FBXL18: variants seen among roughly 807,000 people sequenced by gnomAD.
The protein encoded by FBXL18 is F-box and leucine rich repeat protein 18.
A neutral mutation model predicts 46.0 loss-of-function variants in FBXL18; 36 were observed. That is an observed-to-expected ratio of 0.78 (90% CI 0.60 to 1.03). The LOEUF (loss-of-function observed/expected upper bound fraction) is 1.03, where lower values mean the gene tolerates loss of function less well. FBXL18 is among the 50% of genes least tolerant of loss of function. FBXL18 has a pLI of 0.00. For missense variants in FBXL18, 977 were observed against 1,004.1 expected, an observed-to-expected ratio of 0.97 and a Z score of 0.36; for synonymous variants, 557 against 465.3, an observed-to-expected ratio of 1.20 and a Z score of -2.54.
Position 5,501,055 on chromosome 7 carries a change from A to C in FBXL18, c.1214T>G (p.Leu405Arg). 6.2e-7 allele frequency: 1 copy of C among 1,609,124 alleles called. No individual in the cohort carries two copies. The highest frequency in any genetic ancestry group is 8.5e-7 in the Non-Finnish European group (1 of 1,178,860). ...HHSSEGLGRHLCQLLARLRHL... is the reference protein window; with the variant it reads ...HHSSEGLGRHRCQLLARLRHL... The stretch of plus-strand genomic sequence containing the variant: ...ACGCAGCCGGGCCAGGAGCTGGCAG[A>C]GGTGGCGGCCCAGGCCCTCCGAGCT... Residue 405 changes from leucine (L) to arginine (R), a missense_variant, in exon 3 of 5, where the codon CTC becomes CGC. Leu to Arg is a moderately radical substitution (Grantham distance 102). Coordinates refer to ENST00000382368, the MANE Select transcript of FBXL18 (RefSeq NM_024963.6).
At chr7:5,485,029 C>G (rs1020892222) in intron 4 of FBXL18, among the ~76,000 whole-genome samples, 10 of 152,110 alleles carry the variant, frequency 6.6e-5, no homozygotes, top group East Asian at 5.8e-4. Context: ...CAATCCTCCC[C>G]CCTTGGCCTC....
Position 5,500,877 on chromosome 7 carries a change from C to G in FBXL18, c.1392G>C (p.Ser464=), listed in dbSNP as rs1784223828. ...VGVQSCPSPF[S]GQACPQPSSV... ...AGGAGGGCTGGGGGCACGCCTGGCC[C>G]GAGAAGGGGCTGGGACAGGACTGCA... Residue 464 remains serine (S), a synonymous_variant, in exon 3 of 5, where the codon TCG becomes TCC. Coordinates refer to ENST00000382368, the MANE Select transcript of FBXL18 (RefSeq NM_024963.6). The G allele has an allele frequency of 1.9e-6, 3 of 1,597,350 alleles. No individual in the cohort carries two copies. Among genetic ancestry groups the G allele is most frequent in the African/African-American group, 2.7e-5 (2 of 74,666 alleles).
intron 4 of FBXL18, among the ~76,000 whole-genome samples, chr7:5,485,827 G>A (rs1018430725): frequency 1.2e-4 from 19 of 152,022 alleles, no homozygotes; most frequent in African/African-American, 3.6e-4. Context: ...TGAGGTGGGC[G>A]GATTACCTGA....
At position 5,480,204 on chromosome 7, in the gene FBXL18, C is replaced by T. The variant is rs114469884; in HGVS notation, c.*1571G>A. Among the ~76,000 whole-genome samples, 3 of 152,262 alleles carry T rather than the reference C, an allele frequency of 2.0e-5. No homozygotes were observed. The highest frequency in any genetic ancestry group is 4.1e-4 in the South Asian group (2 of 4,822). ...CCCACAGGACGGGGCATCTGTCACA[C>T]GGAAACCCAGGAGGAGGAAGGCGGG... On this transcript the variant is annotated 3_prime_UTR_variant, in exon 5 of 5. Coordinates refer to ENST00000382368, the MANE Select transcript of FBXL18 (RefSeq NM_024963.6).
At chr7:5,472,105 G>A (rs922507779), downstream of FBXL18, among the ~76,000 whole-genome samples, 3 of 152,132 alleles carry the variant, frequency 2.0e-5, no homozygotes, top group African/African-American at 4.8e-5. Flanking sequence ...AAATGAAGCA[G>A]GAGCATCAGC....
intron 4 of FBXL18, among the ~76,000 whole-genome samples, chr7:5,464,803 C>T (rs372003345): frequency 2.0e-5 from 3 of 147,970 alleles, no homozygotes; most frequent in African/African-American, 7.4e-5. Context: ...GTGGCTCACA[C>T]CTGTAATCCC....
chr7:5,501,288 T>C lies in FBXL18; in HGVS notation c.981A>G (p.Ser327=), dbSNP rs534189068. Reference sequence around the variant, plus strand: ...TGACCTGCTGGATCAGATGGCCGCCTGACAGGGTACAGCGGCTGAAACTGA... The same window carrying C: ...TGACCTGCTGGATCAGATGGCCGCCCGACAGGGTACAGCGGCTGAAACTGA... The part of the protein sequence containing the change: ...FYFSFSRCTL[S]GGHLIQQVIN... Residue 327 remains serine, a synonymous_variant, in exon 3 of 5, where the codon TCA becomes TCG. Transcript: ENST00000382368. The C allele has an allele frequency of 1.9e-6, 3 of 1,614,156 alleles. No homozygotes were observed. In the South Asian group the frequency reaches 3.3e-5, roughly 18 times the overall value.
At position 5,481,913 on chromosome 7, in the gene FBXL18, G is replaced by A. The variant is rs374847105; in HGVS notation, c.2019C>T (p.Pro673=). 8.9e-5 allele frequency: 143 copies of A among 1,608,756 alleles called. No individual in the cohort carries two copies. The highest frequency in any genetic ancestry group is 1.0e-4 in the Non-Finnish European group (121 of 1,177,088). The change falls in exon 5 of 5, where the codon CCC becomes CCT. Residue 673 remains proline, a synonymous_variant. Transcript: ENST00000382368. ...SLLRSFQAER[P]ALNVVIFPLL... ...GAGGGAAGATGACGACGTTTAACGC[G>A]GGCCGCTCGGCCTGGAAGCTGAACC...
chr7:5,495,365 G>A (rs1784049356), intron 3 of FBXL18, among the ~76,000 whole-genome samples: 1 of 152,198 alleles, frequency 6.6e-6, no homozygotes, highest in African/African-American at 2.4e-5. Flanking sequence ...CCCAGACGCT[G>A]CCCTGGTCAC....
intron 4 of FBXL18, among the ~76,000 whole-genome samples, chr7:5,490,432 C>G (rs562136592): frequency 1.3e-5 from 2 of 152,244 alleles, no homozygotes; most frequent in Non-Finnish European, 2.9e-5. Flanking sequence ...ACTTCCTGCG[C>G]AGCAGCAGAG....
At chr7:5,457,719 T>C (rs1460603942) in intron 4 of FBXL18, among the ~76,000 whole-genome samples, 1 of 152,174 alleles carries the variant, frequency 6.6e-6, no homozygotes, top group African/African-American at 2.4e-5. Flanking sequence ...GTGCCCCAAG[T>C]GGCCCCCATC....
Position 5,500,520 on chromosome 7 carries a change from CA to C in FBXL18, c.1748del (p.Met583SerfsTer2), listed in dbSNP as rs1784206913. 15 of 1,611,428 alleles carry C rather than the reference CA, an allele frequency of 9.3e-6. No homozygotes were observed. Among genetic ancestry groups the C allele is most frequent in the Non-Finnish European group, 1.3e-5 (15 of 1,178,520 alleles). ...KVVYMPALSD[M>X]LKHCKRLRDL... The stretch of plus-strand genomic sequence containing the variant: ...CCCTCAGCCGCTTGCAGTGCTTCAA[CA>C]TGTCTGAGAGCGCGGGCATGTACAC... On this transcript the variant is annotated frameshift_variant, in exon 3 of 5. Coordinates refer to ENST00000382368, the MANE Select transcript of FBXL18 (RefSeq NM_024963.6). LOFTEE classifies it high-confidence loss of function.
chr7:5,487,336 A>G (rs1783801605), intron 4 of FBXL18, among the ~76,000 whole-genome samples: 1 of 152,246 alleles, frequency 6.6e-6, no homozygotes, highest in African/African-American at 2.4e-5. Flanking sequence ...TCTGACTGCC[A>G]GCAGGGTGGG....
intron 4 of FBXL18, among the ~76,000 whole-genome samples, chr7:5,454,797 A>G (rs538515799): frequency 7.2e-5 from 11 of 152,290 alleles, no homozygotes; most frequent in African/African-American, 2.6e-4. Context: ...GTGGGGACTC[A>G]CGGAGGAGAA....
chr7:5,510,628 G>C (rs1479131052), intron 1 of FBXL18, among the ~76,000 whole-genome samples: 2 of 150,820 alleles, frequency 1.3e-5, no homozygotes, highest in South Asian at 2.1e-4. Context: ...GGTGGCTTCA[G>C]TGAGCCATGA....
rs1213901516 is a variant in FBXL18 at position 5,477,467 on chromosome 7, C to T, written c.*4308G>A. On this transcript the variant is annotated 3_prime_UTR_variant, in exon 5 of 5. Transcript: ENST00000382368. The surrounding 1 kb of genome is among the most constrained non-coding windows in gnomAD (Gnocchi z 4.4). ...CCTGTTATCCTAGCACTTTGGGAGGCCGAGGCAGGAGAATCACTTGAGGTC... is the reference window on the plus strand; with the variant it reads ...CCTGTTATCCTAGCACTTTGGGAGGTCGAGGCAGGAGAATCACTTGAGGTC... Among the ~76,000 whole-genome samples, 1 of 152,152 alleles carries T rather than the reference C, an allele frequency of 6.6e-6. No homozygotes were observed. The highest frequency in any genetic ancestry group is 1.5e-5 in the Non-Finnish European group (1 of 68,042).
chr7:5,482,689 A>AC (rs1273067898), intron 4 of FBXL18, among the ~76,000 whole-genome samples: 2 of 151,842 alleles, frequency 1.3e-5, no homozygotes, highest in African/African-American at 4.8e-5. Flanking sequence ...CAGAACAGGG[A>AC]CCCCTCCACA....
chr7:5,481,859 G>A lies in FBXL18; in HGVS notation c.2073C>T (p.Ile691=). 6.2e-7 allele frequency: 1 copy of A among 1,613,888 alleles called. No homozygotes were observed. The highest frequency in any genetic ancestry group is 8.5e-7 in the Non-Finnish European group (1 of 1,179,972). The change falls in exon 5 of 5, where the codon ATC becomes ATT. Residue 691 remains isoleucine (I), a synonymous_variant. Coordinates refer to ENST00000382368, the MANE Select transcript of FBXL18 (RefSeq NM_024963.6). The part of the protein sequence containing the change: ...PLLHEGLTDV[I]RDVPLVHLDE... ...CCAGGTGCACCAGGGGGACGTCCCGGATGACGTCGGTCAGGCCCTCGTGGA... is the reference window on the plus strand; with the variant it reads ...CCAGGTGCACCAGGGGGACGTCCCGAATGACGTCGGTCAGGCCCTCGTGGA...
chr7:5,465,350 A>G (rs969524572), intron 4 of FBXL18, among the ~76,000 whole-genome samples: 9 of 151,834 alleles, frequency 5.9e-5, no homozygotes, highest in Non-Finnish European at 8.8e-5. Context: ...ACAGGCGCAC[A>G]CCACCACACA....
Sources: allele counts gnomAD v4.1 joint callset (sites outside exome capture counted in the v4.1 genomes callset), GRCh38; gene constraint gnomAD v4.1.1; non-coding constraint Gnocchi (gnomAD v3.1); transcripts MANE v1.5; gene names NCBI Gene and HGNC (gene_info 2026-07-23, HGNC 2026-07-21).